SBNO2: variants seen among roughly 807,000 people sequenced by gnomAD.
SBNO2 encodes the protein strawberry notch homolog 2.
A neutral mutation model predicts 146.3 loss-of-function variants in SBNO2; 89 were observed. The ratio of observed to expected loss-of-function variants is 0.61; its 90% CI spans 0.51 to 0.73. The LOEUF is 0.73. Among genes scored for constraint, SBNO2 ranks in the 30% least tolerant of loss-of-function variants. The pLI is 0.00. For synonymous variants in SBNO2, 1,147 were observed against 892.6 expected, an observed-to-expected ratio of 1.29 and a Z score of -5.08; for missense variants, 2,092 against 2,003.7, an observed-to-expected ratio of 1.04 and a Z score of -0.84.
chr19:1,159,372 C>T (rs1048961651), intron 1 of SBNO2, among the ~76,000 whole-genome samples: 11 of 149,926 alleles, frequency 7.3e-5, no homozygotes, highest in African/African-American at 2.5e-4. Context: ...CAACATGGAG[C>T]CCGGGGCAAG....
intron 1 of SBNO2, among the ~76,000 whole-genome samples, chr19:1,164,687 G>C (rs1210475443): frequency 3.3e-5 from 2 of 61,024 alleles, no homozygotes; most frequent in African/African-American, 5.9e-5. Flanking sequence ...GGAGGAGGAG[G>C]AGGAGGAAGA....
chr19:1,116,068 G>A lies in SBNO2; in HGVS notation c.1838C>T (p.Pro613Leu). 5 of 1,611,426 alleles carry A rather than the reference G, an allele frequency of 3.1e-6. No individual in the cohort carries two copies. Among genetic ancestry groups the A allele is most frequent in the Non-Finnish European group, 4.2e-6 (5 of 1,179,288 alleles). The change falls in exon 17 of 32, where the codon CCG becomes CTG. Residue 613 changes from proline to leucine, a missense_variant. Coordinates refer to ENST00000361757, the MANE Select transcript of SBNO2 (RefSeq NM_014963.3). ...VFLSLIQKHF[P>L]STKRKRDRGA... ...TCTGTCCCGCTTTCTCTTGGTGGAC[G>A]GAAAGTGCTTCTGAATTAGCGACAG...
In SBNO2 at chr19:1,112,874, G is replaced by C. The variant is rs1293873315; in HGVS notation, c.2323C>G (p.Leu775Val). 1.3e-6 allele frequency: 2 copies of C among 1,574,808 alleles called. No homozygotes were observed. The highest frequency in any genetic ancestry group is 1.4e-5 in the African/African-American group (1 of 73,924). The change falls in exon 20 of 32, where the codon CTG becomes GTG. Residue 775 changes from leucine to valine, a missense_variant. Coordinates refer to ENST00000361757, the MANE Select transcript of SBNO2 (RefSeq NM_014963.3). The surrounding 1 kb of genome is among the most constrained non-coding windows in gnomAD (Gnocchi z 5.9). Reference protein sequence around the residue: ...VAFESRAEQGLSIDHVNLREK... With the variant: ...VAFESRAEQGVSIDHVNLREK... ...CTGAGGTTCACGTGGTCGATGGACA[G>C]ACCCTGCTCTGCCCGCGACTCGAAG...
chr19:1,112,594 C>T lies in SBNO2; in HGVS notation c.2380-57G>A, dbSNP rs546791850. The T allele has an allele frequency of 1.4e-5, 21 of 1,516,852 alleles. No homozygotes were observed. Among genetic ancestry groups the T allele is most frequent in the South Asian group, 3.7e-5 (3 of 80,760 alleles). The allele number at this position is 1,516,852 out of a possible 1,614,324, so 94.0% of individuals were successfully genotyped here. On this transcript the variant is annotated intron_variant, in intron 20 of 31. Transcript: ENST00000361757. This position sits in a 1 kb window ranked among gnomAD's most constrained non-coding sequence, Gnocchi z 5.9. Reference sequence around the variant, plus strand: ...GGTGCAAGGCCCGCCCCAGCGTTGCCGCCACCTCCTCACCCACTAGGCCCC... The same window carrying T: ...GGTGCAAGGCCCGCCCCAGCGTTGCTGCCACCTCCTCACCCACTAGGCCCC...
In SBNO2 at chr19:1,123,037, C is replaced by G; in HGVS notation, c.637G>C (p.Gly213Arg). The part of the protein sequence containing the change: ...ADYVPSKSKI[G>R]KQHPDRVVET... ...ACCACGCGGTCTGGGTGCTGCTTCC[C>G]GATCTTGGCTGGAGGAGCAAGGACG... is the stretch of plus-strand genomic sequence containing the variant. The change falls in exon 8 of 32, where the codon GGG becomes CGG. Residue 213 changes from glycine (G) to arginine (R), a missense_variant. Transcript: ENST00000361757. 1 of 1,592,278 alleles carries G rather than the reference C, an allele frequency of 6.3e-7. No individual in the cohort carries two copies. The highest frequency in any genetic ancestry group is 8.5e-7 in the Non-Finnish European group (1 of 1,169,956).
At position 1,107,991 on chromosome 19, in the gene SBNO2, G is replaced by A. The variant is rs2079691864; in HGVS notation, c.*229C>T. On this transcript the variant is annotated 3_prime_UTR_variant, in exon 32 of 32. Transcript: ENST00000361757. ...AGCCACCCGGAGCCCCTTCCTACTT[G>A]GGAGGAGAGGCACAGAGAGGGCCCT... is the stretch of plus-strand genomic sequence containing the variant. 1 of 341,888 alleles carries A rather than the reference G, an allele frequency of 2.9e-6. No homozygotes were observed. Among genetic ancestry groups the A allele is most frequent in the Non-Finnish European group, 5.3e-6 (1 of 188,752 alleles). The allele number at this position is 341,888 out of a possible 1,614,324, so 21.2% of individuals were successfully genotyped here.
At chr19:1,145,810 G>A (rs1182324613) in intron 4 of SBNO2, among the ~76,000 whole-genome samples, 3 of 152,128 alleles carry the variant, frequency 2.0e-5, no homozygotes, top group Non-Finnish European at 2.9e-5. Flanking sequence ...TACTGCGGGT[G>A]AGGACAGAGC....
chr19:1,138,365 T>G (rs1226740367), intron 4 of SBNO2, among the ~76,000 whole-genome samples: 2 of 151,456 alleles, frequency 1.3e-5, no homozygotes, highest in Non-Finnish European at 2.9e-5. Flanking sequence ...GCACAGAGGG[T>G]GGGCTGCAGC....
intron 2 of SBNO2, among the ~76,000 whole-genome samples, chr19:1,152,778 G>C (rs1170051327): frequency 6.6e-6 from 1 of 152,166 alleles, no homozygotes; most frequent in Non-Finnish European, 1.5e-5. Context: ...TGTTGGGCTA[G>C]GGAGTACCCA....
At chr19:1,119,379 G>C in intron 13 of SBNO2, 137 bp downstream of exon 13, 1 of 873,924 alleles carries the variant, frequency 1.1e-6, no homozygotes, top group East Asian at 2.7e-5. Flanking sequence ...GCCCGAGGCA[G>C]TGAAACGAGC....
intron 2 of SBNO2, among the ~76,000 whole-genome samples, chr19:1,152,879 G>C (rs985460609): frequency 2.0e-5 from 3 of 152,188 alleles, no homozygotes; most frequent in Non-Finnish European, 4.4e-5. Context: ...AGGGCCGGGC[G>C]CGGTGGCTCA....
chr19:1,132,373 CGAG>C (rs1238721156), intron 4 of SBNO2: 64 of 796,886 alleles, frequency 8.0e-5, no homozygotes, highest in Admixed American at 2.5e-4. Flanking sequence ...ACCGGCAGTG[CGAG>C]GAGAATTACT....
At chr19:1,142,944 G>C (rs564364006) in intron 4 of SBNO2, among the ~76,000 whole-genome samples, 1 of 152,166 alleles carries the variant, frequency 6.6e-6, no homozygotes, top group East Asian at 1.9e-4. Context: ...TCCAGCCTGG[G>C]CAAGAGTAAG....
At chr19:1,116,251 G>A (rs1034314876) in intron 16 of SBNO2, 148 bp from the exon 17 acceptor site, 2 of 652,344 alleles carry the variant, frequency 3.1e-6, no homozygotes, top group Non-Finnish European at 5.2e-6. Context: ...GGAGTGGGCT[G>A]GGGAGGACTG....
At position 1,136,035 on chromosome 19, in the gene SBNO2, C is replaced by T. The variant is rs978623046; in HGVS notation, c.280-8270G>A. ...TGAGTGGTTAAAAAAAAAAAGGCCG[C>T]ACTGGCCGAGCGGGTGTTCTGTGCC... On this transcript the variant is annotated intron_variant, in intron 4 of 31. Coordinates refer to ENST00000361757, the MANE Select transcript of SBNO2 (RefSeq NM_014963.3). The surrounding 1 kb of genome is among the most constrained non-coding windows in gnomAD (Gnocchi z 4.2). Among the ~76,000 whole-genome samples, 2 of 151,996 alleles carry T rather than the reference C, an allele frequency of 1.3e-5. No homozygotes were observed. The highest frequency in any genetic ancestry group is 1.3e-4 in the Admixed American group (2 of 15,270).
At chr19:1,130,190 C>T (rs1049917385) in intron 4 of SBNO2, among the ~76,000 whole-genome samples, 2 of 152,176 alleles carry the variant, frequency 1.3e-5, no homozygotes, top group African/African-American at 4.8e-5. Flanking sequence ...AAAGCGTGGG[C>T]CTCAGGAGTT....
chr19:1,115,806 G>A, intron 17 of SBNO2: 1 of 600,148 alleles, frequency 1.7e-6, no homozygotes, highest in East Asian at 2.9e-5. Flanking sequence ...GTGTCCTTCA[G>A]GCTGTCTGTT....
intron 19 of SBNO2, 63 bp downstream of exon 19, chr19:1,113,472 C>T (rs1373464389): frequency 4.4e-6 from 6 of 1,372,976 alleles, no homozygotes; most frequent in African/African-American, 3.0e-5. Context: ...ACACAGCCTG[C>T]GTGAAGCCCC....
Position 1,122,206 on chromosome 19 carries a change from G to C in SBNO2, c.1082C>G (p.Ala361Gly), listed in dbSNP as rs2079909138. 1 of 1,562,038 alleles carries C rather than the reference G, an allele frequency of 6.4e-7. No homozygotes were observed. Among genetic ancestry groups the C allele is most frequent in the African/African-American group, 1.4e-5 (1 of 73,538 alleles). ...TYSALIGESQAGGQHRTRLRQ... is the reference protein window; with the variant it reads ...TYSALIGESQGGGQHRTRLRQ... ...GAGGCGAGTGCGGTGCTGGCCGCCG[G>C]CCTGGCTCTCCCCAATCAGGGCGGA... The change falls in exon 11 of 32, where the codon GCC (alanine) becomes GGC (glycine). Residue 361 changes from alanine (A) to glycine (G), a missense_variant. Coordinates refer to ENST00000361757, the MANE Select transcript of SBNO2 (RefSeq NM_014963.3).
Sources: gnomAD v4.1 joint callset for allele counts (sites outside exome capture counted in the v4.1 genomes callset) on GRCh38, gnomAD v4.1.1 for gene constraint, Gnocchi (gnomAD v3.1) non-coding constraint, MANE v1.5 for transcripts, NCBI Gene and HGNC (gene_info 2026-07-23, HGNC 2026-07-21) for gene names.